The following PIK3C2G variants were observed in gnomAD, a reference collection of about 807,000 sequenced individuals.
PIK3C2G encodes phosphatidylinositol-4-phosphate 3-kinase catalytic subunit type 2 gamma.
A neutral mutation model predicts 181.1 loss-of-function variants in PIK3C2G; 168 were observed. The observed-to-expected ratio is 0.93, with a 90% CI of 0.82 to 1.05. The LOEUF (loss-of-function observed/expected upper bound fraction) is 1.05. Among genes scored for constraint, PIK3C2G ranks in the 50% least tolerant of loss-of-function variants. The pLI, the probability that PIK3C2G is intolerant of heterozygous loss-of-function variation, is 0.00. For synonymous variants in PIK3C2G, 573 were observed against 592.2 expected (o/e 0.97, Z 0.47); for missense variants, 1,869 against 1,732.8 (o/e 1.08, Z -1.40).
intron 16 of PIK3C2G, among the ~76,000 whole-genome samples, chr12:18,411,080 A>G (rs1407699567): frequency 1.3e-5 from 2 of 152,138 alleles, no homozygotes; most frequent in Non-Finnish European, 2.9e-5. Context: ...TTCCTGTTAT[A>G]TCATGACTGG....
intron 29 of PIK3C2G, among the ~76,000 whole-genome samples, chr12:18,583,029 G>C (rs1946583410): frequency 6.6e-6 from 1 of 152,074 alleles, no homozygotes; most frequent in Non-Finnish European, 1.5e-5. Flanking sequence ...GTGACTTTAG[G>C]CTGGAGCAGT....
At chr12:18,386,123 G>A (rs1050678433) in intron 14 of PIK3C2G, among the ~76,000 whole-genome samples, 10 of 152,034 alleles carry the variant, frequency 6.6e-5, no homozygotes, top group South Asian at 6.2e-4. Context: ...TACTGCCCTC[G>A]GTTATCTCCT....
intron 18 of PIK3C2G, among the ~76,000 whole-genome samples, chr12:18,433,378 TG>T (rs1946270873): frequency 6.6e-6 from 1 of 152,038 alleles, no homozygotes; most frequent in African/African-American, 2.4e-5. Flanking sequence ...CTGGGCGTGG[TG>T]GCAGGTGCCT....
intron 14 of PIK3C2G, among the ~76,000 whole-genome samples, chr12:18,390,312 G>A (rs1004141215): frequency 6.6e-6 from 1 of 151,948 alleles, no homozygotes; most frequent in African/African-American, 2.4e-5. Context: ...TAACTCAGCA[G>A]AGAAAAATAA....
chr12:18,675,177 G>T, the PIK3C2G span, among the ~76,000 whole-genome samples: 15 of 152,254 alleles, frequency 9.9e-5, no homozygotes, highest in East Asian at 3.9e-4. Flanking sequence ...AAATTGGACA[G>T]AGCTGGTCTA....
chr12:18,568,093 G>T (rs1391603299), intron 29 of PIK3C2G, among the ~76,000 whole-genome samples: 1 of 152,096 alleles, frequency 6.6e-6, no homozygotes, highest in Admixed American at 6.6e-5. Flanking sequence ...GGCAATTTAG[G>T]ATAATCTCAC....
At chr12:18,597,270 T>G (rs1947418891) in intron 30 of PIK3C2G, among the ~76,000 whole-genome samples, 1 of 151,990 alleles carries the variant, frequency 6.6e-6, no homozygotes, top group Admixed American at 6.6e-5. Context: ...CACCTTTATC[T>G]TTATCCACTT....
the PIK3C2G span, chr12:18,723,308 T>C: frequency 1.2e-5 from 19 of 1,606,942 alleles, no homozygotes; most frequent in Non-Finnish European, 1.6e-5. Context: ...AATGCAAACA[T>C]ACCTTCTTCG....
intron 23 of PIK3C2G, 45 bp downstream of exon 23, chr12:18,503,462 A>C: frequency 2.2e-6 from 3 of 1,380,444 alleles, no homozygotes; most frequent in Non-Finnish European, 3.0e-6. Flanking sequence ...CTTAAATAAG[A>C]ATATGCTCTG....
the PIK3C2G span, among the ~76,000 whole-genome samples, chr12:18,674,644 G>T: frequency 1.4e-4 from 22 of 152,198 alleles, no homozygotes; most frequent in African/African-American, 4.8e-4. Context: ...GATGAAACAT[G>T]GTCACAAATT....
intron 18 of PIK3C2G, among the ~76,000 whole-genome samples, chr12:18,436,245 T>A (rs1946441416): frequency 6.6e-6 from 1 of 152,090 alleles, no homozygotes; most frequent in Non-Finnish European, 1.5e-5. Flanking sequence ...GTAAAGAGAA[T>A]GTCTCTTCCT....
intron 31 of PIK3C2G, among the ~76,000 whole-genome samples, chr12:18,619,607 T>A (rs1319377102): frequency 6.6e-6 from 1 of 152,152 alleles, no homozygotes; most frequent in Non-Finnish European, 1.5e-5. Flanking sequence ...TCCCTTTTGA[T>A]TTTTTCTTTG....
intron 25 of PIK3C2G, among the ~76,000 whole-genome samples, chr12:18,544,717 A>T (rs1592541882): frequency 6.6e-6 from 1 of 151,906 alleles, no homozygotes; most frequent in East Asian, 1.9e-4. Flanking sequence ...TTTAGATGTC[A>T]TGAGTTTAAG....
At chr12:18,713,072 G>C in the PIK3C2G span, 1 of 1,526,026 alleles carries the variant, frequency 6.6e-7, no homozygotes, top group Admixed American at 1.8e-5. Context: ...AAGACCATTT[G>C]ATTTTATAAT....
intron 15 of PIK3C2G, among the ~76,000 whole-genome samples, chr12:18,397,714 C>G (rs184092314): frequency 2.8e-4 from 43 of 152,150 alleles, no homozygotes; most frequent in African/African-American, 9.9e-4. Context: ...AACAGTTTCA[C>G]AATTTCTTGT....
intron 26 of PIK3C2G, among the ~76,000 whole-genome samples, chr12:18,562,320 A>G (rs146036154): frequency 0.049 from 7,456 of 151,972 alleles, 454 homozygotes; most frequent in African/African-American, 0.14. Flanking sequence ...TTTTAGTAGA[A>G]ACAGGGTTTC....
chr12:18,587,141 C>G (rs895141981), intron 29 of PIK3C2G, among the ~76,000 whole-genome samples: 2 of 151,980 alleles, frequency 1.3e-5, no homozygotes, highest in Non-Finnish European at 2.9e-5. Flanking sequence ...CCTTGAAAAT[C>G]CGCACAAGTT....
chr12:18,701,158 T>C, the PIK3C2G span, among the ~76,000 whole-genome samples: 3 of 152,026 alleles, frequency 2.0e-5, no homozygotes, highest in African/African-American at 4.8e-5. Context: ...CTAATTTTTG[T>C]ATTTTTAGTA....
chr12:18,298,630 G>A (rs116341480), intron 5 of PIK3C2G, among the ~76,000 whole-genome samples: 2,589 of 151,814 alleles, frequency 0.017, 71 homozygotes, highest in African/African-American at 0.058. Context: ...CTACACCAAT[G>A]TTCTGGAACA....
Sources: allele counts gnomAD v4.1 joint callset (sites outside exome capture counted in the v4.1 genomes callset), GRCh38; gene constraint gnomAD v4.1.1; transcripts MANE v1.5; gene names NCBI Gene and HGNC (gene_info 2026-07-23, HGNC 2026-07-21).